LAMA1: variants seen among roughly 807,000 people sequenced by gnomAD.
The protein encoded by LAMA1 is laminin subunit alpha-1.
Under a neutral mutation model 348.7 loss-of-function variants are expected in LAMA1, and 219 were observed. That is an observed-to-expected ratio of 0.63 (90% confidence interval 0.56 to 0.70). LAMA1 has a LOEUF of 0.70. Among genes scored for constraint, LAMA1 ranks in the 30% least tolerant of loss-of-function variants. The pLI, the probability that LAMA1 is intolerant of heterozygous loss-of-function variation, is 0.00. For synonymous variants in LAMA1, 1,487 were observed against 1,491.0 expected (o/e 1.00, Z 0.06); for missense variants, 3,744 against 3,888.0 (o/e 0.96, Z 0.99).
chr18:7,072,338 G>T (rs1252435887), intron 3 of LAMA1, among the ~76,000 whole-genome samples: 1 of 152,156 alleles, frequency 6.6e-6, no homozygotes, highest in African/African-American at 2.4e-5. Flanking sequence ...TGAGGAGTTT[G>T]TTAGGTACTC....
rs900341922 is a variant in LAMA1, at chr18:7,117,132, C to G, written c.61+528G>C. 7.2e-5 allele frequency among the ~76,000 whole-genome samples: 11 copies of G among 152,210 alleles called. No homozygotes were observed. In the South Asian group the frequency reaches 2.3e-3, roughly 31 times the overall value. ...CTCGCCGCGTCTCTCCCCACTAGCC[C>G]GCTTGGCTGCCAGGGGCCCCGAGGA... On this transcript the variant is annotated intron_variant, in intron 1 of 62. Coordinates refer to ENST00000389658, the MANE Select transcript of LAMA1 (RefSeq NM_005559.4).
chr18:7,064,859 C>T (rs941446034), intron 3 of LAMA1, among the ~76,000 whole-genome samples: 8 of 152,090 alleles, frequency 5.3e-5, no homozygotes, highest in African/African-American at 1.9e-4. Flanking sequence ...TTCTCATGAT[C>T]GTCTTGTAAA....
chr18:7,049,737 T>C (rs1039618229), intron 4 of LAMA1, among the ~76,000 whole-genome samples: 7 of 152,232 alleles, frequency 4.6e-5, no homozygotes, highest in Non-Finnish European at 1.0e-4. Context: ...GTTAATTACT[T>C]GTGAATTACC....
chr18:7,108,920 A>G (rs2058325062), intron 1 of LAMA1, among the ~76,000 whole-genome samples: 1 of 151,618 alleles, frequency 6.6e-6, no homozygotes, highest in Non-Finnish European at 1.5e-5. Flanking sequence ...AAAGAGTGCT[A>G]GCCCATCACA....
At chr18:7,030,111 A>C (rs2057962282) in intron 16 of LAMA1, among the ~76,000 whole-genome samples, 1 of 152,176 alleles carries the variant, frequency 6.6e-6, no homozygotes, top group Admixed American at 6.5e-5. Flanking sequence ...AGAAATAGTA[A>C]CTTCAGAGTG....
chr18:7,014,922 C>A (rs565357256), intron 22 of LAMA1, among the ~76,000 whole-genome samples: 3 of 152,256 alleles, frequency 2.0e-5, no homozygotes, highest in African/African-American at 7.2e-5. Flanking sequence ...TATCGGCTCA[C>A]TGCAAGCTCC....
At chr18:7,104,322 T>C (rs1386149781) in intron 1 of LAMA1, among the ~76,000 whole-genome samples, 2 of 152,168 alleles carry the variant, frequency 1.3e-5, no homozygotes, top group African/African-American at 2.4e-5. Flanking sequence ...GTATTGGGAT[T>C]TGTTCACTCA....
At chr18:7,116,818 CTCTCTCTCTTTCTTTCT>C (rs1218338375) in intron 1 of LAMA1, among the ~76,000 whole-genome samples, 6 of 151,844 alleles carry the variant, frequency 4.0e-5, no homozygotes, top group Middle Eastern at 3.4e-3. Flanking sequence ...TTTTCTCTTT[CTCTCTCTCTTTCTTTCT>C]TCTCTCTCTC....
chr18:7,116,886 GCT>G (rs2058358853), intron 1 of LAMA1, among the ~76,000 whole-genome samples: 1 of 148,062 alleles, frequency 6.8e-6, no homozygotes, highest in Non-Finnish European at 1.5e-5. Context: ...ATGAAAATTC[GCT>G]CTGAGTTTCT....
At chr18:7,026,254 T>C (rs945306852) in intron 16 of LAMA1, 148 bp from the exon 17 acceptor site, 2 of 858,236 alleles carry the variant, frequency 2.3e-6, no homozygotes, top group Non-Finnish European at 3.8e-6. Context: ...GAAGGCCTCC[T>C]GTTTTCAGAT....
At chr18:7,056,599 G>A (rs982509164) in intron 3 of LAMA1, among the ~76,000 whole-genome samples, 2 of 152,100 alleles carry the variant, frequency 1.3e-5, no homozygotes, top group Non-Finnish European at 2.9e-5. Flanking sequence ...GCCACCCTGC[G>A]TGCTGCCTGC....
At chr18:7,050,997 G>C (rs958573668) in intron 3 of LAMA1, 61 bp from the exon 4 acceptor site, 12 of 1,591,830 alleles carry the variant, frequency 7.5e-6, no homozygotes, top group Non-Finnish European at 1.0e-5. Context: ...CACAGAATGA[G>C]AGCTACTGCA....
intron 3 of LAMA1, among the ~76,000 whole-genome samples, chr18:7,066,712 C>A (rs1018628746): frequency 1.3e-5 from 2 of 151,314 alleles, no homozygotes; most frequent in Non-Finnish European, 2.9e-5. Flanking sequence ...TAGCATAGGA[C>A]AAAAAAGAAA....
Position 6,986,300 on chromosome 18 carries a change from G to A in LAMA1, c.5216C>T (p.Pro1739Leu), listed in dbSNP as rs541601813. 2.4e-5 allele frequency: 39 copies of A among 1,614,138 alleles called. No individual in the cohort carries two copies. The highest frequency in any genetic ancestry group is 3.3e-4 in the Middle Eastern group (2 of 6,062). Residue 1739 changes from proline (P) to leucine (L), a missense_variant, in exon 37 of 63, where the codon CCG becomes CTG. Physicochemically the swap from Pro to Leu is moderately conservative, Grantham distance 98. This residue lies in a region of LAMA1 where 1,983 missense variants were observed against 1,934.3 expected (regional missense o/e 1.03). Transcript: ENST00000389658. ...LSQIQENYQK[P>L]LEELEVLKEA... is the part of the protein sequence containing the mutation. ...TTTCAATACCTCCAATTCTTCCAGC[G>A]GCTTCTGGTAATTTTCCTGAATTTG...
At chr18:7,056,450 T>A (rs528973574) in intron 3 of LAMA1, among the ~76,000 whole-genome samples, 19 of 152,220 alleles carry the variant, frequency 1.2e-4, no homozygotes, top group Non-Finnish European at 2.6e-4. Context: ...TATCATCACA[T>A]TTAATCCCAA....
chr18:7,020,075 T>C (rs2057908505), intron 19 of LAMA1, among the ~76,000 whole-genome samples: 1 of 152,188 alleles, frequency 6.6e-6, no homozygotes, highest in Non-Finnish European at 1.5e-5. Flanking sequence ...AATAGCCAGG[T>C]ACTTTATATA....
Position 6,976,905 on chromosome 18 carries a change from C to T in LAMA1, c.6345+822G>A, listed in dbSNP as rs4798521. Among the ~76,000 whole-genome samples, 1,370 of 152,260 alleles carry T rather than the reference C, an allele frequency of 9.0e-3. 13 individuals carry two copies. The highest frequency in any genetic ancestry group is 0.02 in the Middle Eastern group (6 of 294). On this transcript the variant is annotated intron_variant, in intron 44 of 62. Coordinates refer to ENST00000389658, the MANE Select transcript of LAMA1 (RefSeq NM_005559.4). ...AGTTACGGGTGTGAGCTACCAGGCC[C>T]AGCCTGTATTTATTTAGCAATTGTA...
chr18:6,994,121 T>C (rs1277980317), intron 34 of LAMA1, among the ~76,000 whole-genome samples: 1 of 152,238 alleles, frequency 6.6e-6, no homozygotes, highest in Admixed American at 6.5e-5. Flanking sequence ...TTGTATGGCC[T>C]ATGAGATGTT....
In LAMA1 at chr18:7,017,307, C is replaced by T. The variant is rs561685616; in HGVS notation, c.2779G>A (p.Val927Met). 4.2e-5 allele frequency: 68 copies of T among 1,613,922 alleles called. No homozygotes were observed. In the East Asian group the frequency reaches 1.2e-3, roughly 28 times the overall value. Residue 927 changes from valine to methionine, a missense_variant, in exon 20 of 63, where the codon GTG (valine) becomes ATG (methionine). Around this residue, in one of 3 missense-constraint regions of LAMA1, gnomAD observed 1,529 missense variants for 1,689.4 expected, o/e 0.91. Transcript: ENST00000389658. ...CACTGGTCACACTGCTGTCCAGTCACGTTTGGTTTGCAGTCACAGAGCCCG... is the reference window on the plus strand; with the variant it reads ...CACTGGTCACACTGCTGTCCAGTCATGTTTGGTTTGCAGTCACAGAGCCCG... ...ETGLCDCKPNVTGQQCDQCLH... is the reference protein window; with the variant it reads ...ETGLCDCKPNMTGQQCDQCLH...
Sources: gnomAD v4.1 joint callset for allele counts (sites outside exome capture counted in the v4.1 genomes callset) on GRCh38, gnomAD v4.1.1 for gene constraint, gnomAD v4.1.1 regional missense constraint, MANE v1.5 for transcripts, NCBI Gene and HGNC (gene_info 2026-07-23, HGNC 2026-07-21) for gene names.